SCTR: variants seen among roughly 807,000 people sequenced by gnomAD.
The protein encoded by SCTR is pancreatic secretin receptor.
A neutral mutation model predicts 60.8 loss-of-function variants in SCTR; 56 were observed. The observed-to-expected ratio is 0.92, with a 90% CI of 0.74 to 1.15. The LOEUF is 1.15. Ranked by LOEUF, SCTR falls within the 50% of genes most tolerant of loss-of-function variation. SCTR has a pLI of 0.00. For missense variants in SCTR, 562 were observed against 550.4 expected, an observed-to-expected ratio of 1.02 and a Z score of -0.21; for synonymous variants, 202 against 217.0, an observed-to-expected ratio of 0.93 and a Z score of 0.61.
chr2:119,473,609 T>A, intron 3 of SCTR, 53 bp from the exon 4 acceptor site: 1 of 1,092,840 alleles, frequency 9.2e-7, no homozygotes, highest in Non-Finnish European at 1.4e-6. Flanking sequence ...CACTGTGATT[T>A]TCATAGTAAC....
At chr2:119,447,335 G>C (rs1412958470) in intron 10 of SCTR, among the ~76,000 whole-genome samples, 1 of 152,078 alleles carries the variant, frequency 6.6e-6, no homozygotes. Flanking sequence ...AGAATCCCCA[G>C]TTAAATCTGA....
At chr2:119,469,315 G>C (rs1172647497) in intron 4 of SCTR, among the ~76,000 whole-genome samples, 1 of 152,288 alleles carries the variant, frequency 6.6e-6, no homozygotes, top group Non-Finnish European at 1.5e-5. Context: ...GTGACAAGGG[G>C]GGTGTCATGC....
At chr2:119,496,369 T>C (rs1376203921) in intron 1 of SCTR, among the ~76,000 whole-genome samples, 3 of 152,342 alleles carry the variant, frequency 2.0e-5, no homozygotes, top group African/African-American at 7.2e-5. Context: ...CAACTAACTG[T>C]ACTTCTGGGA....
chr2:119,490,177 C>T lies in SCTR; in HGVS notation c.193+4251G>A, dbSNP rs547590350. Among the ~76,000 whole-genome samples, 4 of 152,368 alleles carry T rather than the reference C, an allele frequency of 2.6e-5. No individual in the cohort carries two copies. In the East Asian group the frequency reaches 7.7e-4, roughly 29 times the overall value. ...AGACCATGGTCTAGCTCCCCAAGTG[C>T]AGTCGGAGCCAGAGGGAAAGTGCAG... On this transcript the variant is annotated intron_variant, in intron 2 of 12. Coordinates refer to ENST00000019103, the MANE Select transcript of SCTR (RefSeq NM_002980.3).
At chr2:119,467,054 CA>C (rs1683865056) in intron 4 of SCTR, among the ~76,000 whole-genome samples, 1 of 152,096 alleles carries the variant, frequency 6.6e-6, no homozygotes, top group African/African-American at 2.4e-5. Context: ...ATCTTTGAGT[CA>C]AAAAGATCTA....
intron 1 of SCTR, among the ~76,000 whole-genome samples, chr2:119,509,988 T>C (rs1178428402): frequency 1.4e-5 from 2 of 142,932 alleles, no homozygotes; most frequent in Non-Finnish European, 3.0e-5. Context: ...AGAATTTCCT[T>C]TTTTTTTTTA....
chr2:119,445,090 A>G (rs1013471913), intron 11 of SCTR, among the ~76,000 whole-genome samples: 1 of 151,812 alleles, frequency 6.6e-6, no homozygotes, highest in African/African-American at 2.4e-5. Context: ...TTCTCTTGGC[A>G]AGACATTTTC....
At chr2:119,513,415 C>T (rs1273875120) in intron 1 of SCTR, among the ~76,000 whole-genome samples, 1 of 152,048 alleles carries the variant, frequency 6.6e-6, no homozygotes, top group African/African-American at 2.4e-5. Flanking sequence ...AAAAAAATTC[C>T]TCAAAAATTT....
chr2:119,481,180 T>C (rs557507365), intron 2 of SCTR, among the ~76,000 whole-genome samples: 1 of 152,252 alleles, frequency 6.6e-6, no homozygotes, highest in South Asian at 2.1e-4. Context: ...GACTGGGCGA[T>C]GGATGCGGTG....
rs369017667 is a variant in SCTR, at chr2:119,452,150, T to C, written c.852-71A>G. 3.4e-5 allele frequency: 31 copies of C among 902,520 alleles called. 1 individual carries two copies. In the East Asian group the frequency reaches 6.7e-4, roughly 19 times the overall value. The allele number at this position is 902,520 out of a possible 1,614,324, so 55.9% of individuals were successfully genotyped here. On this transcript the variant is annotated intron_variant, in intron 8 of 12. Transcript: ENST00000019103. ...AGCTGGGCTAACCAGCAAGGACATG[T>C]TCCCTGAGGTGGCCCTTGGTATGAA...
intron 3 of SCTR, among the ~76,000 whole-genome samples, chr2:119,475,786 T>TCATCTGA (rs1320394412): frequency 6.6e-6 from 1 of 151,228 alleles, no homozygotes; most frequent in East Asian, 1.9e-4. Flanking sequence ...TCCAAAGCTT[T>TCATCTGA]CATCTGATTT....
At chr2:119,513,264 C>G (rs1679013229) in intron 1 of SCTR, among the ~76,000 whole-genome samples, 1 of 152,228 alleles carries the variant, frequency 6.6e-6, no homozygotes, top group Admixed American at 6.5e-5. Context: ...TGCTTCATCT[C>G]TGTCTCTTGT....
chr2:119,478,459 G>A (rs1310869582), intron 3 of SCTR, among the ~76,000 whole-genome samples: 3 of 152,100 alleles, frequency 2.0e-5, no homozygotes, highest in East Asian at 3.9e-4. Context: ...TACCAGGAGG[G>A]GTTCCAGACA....
At chr2:119,513,183 C>T (rs1301576494) in intron 1 of SCTR, among the ~76,000 whole-genome samples, 1 of 152,192 alleles carries the variant, frequency 6.6e-6, no homozygotes, top group African/African-American at 2.4e-5. Flanking sequence ...CTGCTACAGG[C>T]ATTGAGGTTA....
At position 119,505,290 on chromosome 2, in the gene SCTR, A is replaced by T. The variant is rs566802931; in HGVS notation, c.73-10742T>A. 1.4e-4 allele frequency among the ~76,000 whole-genome samples: 20 copies of T among 142,956 alleles called. No individual in the cohort carries two copies. In the East Asian group the frequency reaches 4.5e-3, roughly 32 times the overall value. The allele number at this position is 142,956 out of a possible 152,430, so 93.8% of individuals were successfully genotyped here. A position where few individuals can be genotyped will look rare whatever the true frequency, so the allele number is the denominator to read the frequency against. On this transcript the variant is annotated intron_variant, in intron 1 of 12. Transcript: ENST00000019103. ...GACTTGGAACCAACCCAAATGTCCA[A>T]CAATGATAGACTAGATTAAAAAAAT...
At chr2:119,518,813 C>T (rs562873864) in intron 1 of SCTR, among the ~76,000 whole-genome samples, 2 of 152,212 alleles carry the variant, frequency 1.3e-5, no homozygotes, top group East Asian at 3.9e-4. Context: ...TAAATCTAGG[C>T]TTTCAGCAAG....
At position 119,484,543 on chromosome 2, in the gene SCTR, TCA is replaced by T. The variant is rs560913507; in HGVS notation, c.194-5627_194-5626del. Among the ~76,000 whole-genome samples, 403 of 152,314 alleles carry T rather than the reference TCA, an allele frequency of 2.6e-3. 4 individuals are homozygous for T. The highest frequency in any genetic ancestry group is 9.3e-3 in the African/African-American group (387 of 41,566). On this transcript the variant is annotated intron_variant, in intron 2 of 12. Transcript: ENST00000019103. Reference sequence around the variant, plus strand: ...GTATGACACTTAACCTCTGTGAGCCTCAGTTTCCTCATCTATAAAATGGGCAC... The same window carrying T: ...GTATGACACTTAACCTCTGTGAGCCTGTTTCCTCATCTATAAAATGGGCAC...
At chr2:119,489,767 T>A (rs73951151) in intron 2 of SCTR, among the ~76,000 whole-genome samples, 2,568 of 152,264 alleles carry the variant, frequency 0.017, 76 homozygotes, top group African/African-American at 0.057. Context: ...GCAATTTGGT[T>A]GACAGTTGAG....
At chr2:119,504,106 C>G (rs1212853043) in intron 1 of SCTR, among the ~76,000 whole-genome samples, 1 of 151,966 alleles carries the variant, frequency 6.6e-6, no homozygotes, top group African/African-American at 2.4e-5. Flanking sequence ...AGAAATAGAC[C>G]TACGTAAATA....
Sources: allele counts gnomAD v4.1 joint callset (sites outside exome capture counted in the v4.1 genomes callset), GRCh38; gene constraint gnomAD v4.1.1; transcripts MANE v1.5; gene names NCBI Gene and HGNC (gene_info 2026-07-23, HGNC 2026-07-21).